Variants in TAOK3 observed in about 807,000 individuals in gnomAD.
TAOK3 encodes the protein TAO kinase 3, also known as serine/threonine-protein kinase TAO3.
TAOK3 carries 40 observed loss-of-function variants against 120.4 expected under a neutral mutation model. That is an observed-to-expected ratio of 0.33 (90% CI 0.26 to 0.43). The LOEUF is 0.43. Ranked by LOEUF, TAOK3 falls within the 20% of genes least tolerant of loss-of-function variation. The pLI, the probability that TAOK3 is intolerant of heterozygous loss-of-function variation, is 1.00. For synonymous variants in TAOK3, 355 were observed against 387.5 expected (o/e 0.92, Z 0.99); for missense variants, 821 against 1,112.1 (o/e 0.74, Z 3.72).
chr12:118,265,543 A>C (rs2041412700), intron 2 of TAOK3, among the ~76,000 whole-genome samples: 1 of 152,164 alleles, frequency 6.6e-6, no homozygotes, highest in African/African-American at 2.4e-5. Context: ...ATGTAACTTC[A>C]CTAATGATCA....
chr12:118,305,852 G>A (rs2043032365), intron 1 of TAOK3, among the ~76,000 whole-genome samples: 1 of 147,026 alleles, frequency 6.8e-6, no homozygotes, highest in African/African-American at 2.5e-5. Context: ...TGCATGAGCT[G>A]AGATCACGCC....
chr12:118,310,764 A>G (rs943807788), intron 1 of TAOK3, among the ~76,000 whole-genome samples: 3 of 152,152 alleles, frequency 2.0e-5, no homozygotes, highest in Admixed American at 2.0e-4. Context: ...CTTCTGTTAT[A>G]AGGGAGAATA....
At chr12:118,220,622 A>G (rs1409520848) in intron 9 of TAOK3, among the ~76,000 whole-genome samples, 4 of 152,062 alleles carry the variant, frequency 2.6e-5, no homozygotes, top group Non-Finnish European at 4.4e-5. Flanking sequence ...GACTGAAGCA[A>G]GAGAAAAACA....
intron 1 of TAOK3, among the ~76,000 whole-genome samples, chr12:118,321,245 CACACACACAAACAT>C (rs776036514): frequency 2.6e-5 from 4 of 152,094 alleles, no homozygotes; most frequent in Admixed American, 1.3e-4. Context: ...AATACACACA[CACACACACAAACAT>C]ACACACACAC....
chr12:118,348,003 T>G (rs563860678), intron 1 of TAOK3, among the ~76,000 whole-genome samples: 35 of 152,320 alleles, frequency 2.3e-4, no homozygotes, highest in Admixed American at 2.2e-3. Flanking sequence ...AGTTCAAACC[T>G]CCTGTTATGT....
At chr12:118,191,007 T>C (rs2037404594) in intron 13 of TAOK3, among the ~76,000 whole-genome samples, 1 of 152,228 alleles carries the variant, frequency 6.6e-6, no homozygotes, top group African/African-American at 2.4e-5. Flanking sequence ...TAATTCCTTA[T>C]TTCCCTAGGG....
rs57197721 is a variant in TAOK3 at position 118,217,816 on chromosome 12, CATATATATATATAT to C, written c.644-3720_644-3707del. The stretch of plus-strand genomic sequence containing the variant: ...GTATGTATGTGTGTGTGTGTGTATA[CATATATATATATAT>C]ATATATATATATATATATATATATA... On this transcript the variant is annotated intron_variant, in intron 9 of 20. Transcript: ENST00000392533. Among the ~76,000 whole-genome samples the C allele has an allele frequency of 8.0e-3, 370 of 45,990 alleles. 4 individuals are homozygous for C. The highest frequency in any genetic ancestry group is 0.014 in the African/African-American group (167 of 12,304). 30.2% of individuals were successfully genotyped at this position (45,990 alleles called of 152,430 possible). A position where few individuals can be genotyped will look rare whatever the true frequency, so the allele number is the denominator to read the frequency against.
At chr12:118,156,147 ACTT>A (rs978369970) in intron 19 of TAOK3, among the ~76,000 whole-genome samples, 2 of 152,094 alleles carry the variant, frequency 1.3e-5, no homozygotes, top group Admixed American at 6.5e-5. Context: ...GTGTCTATCA[ACTT>A]CTTCCTTCTC....
At chr12:118,364,762 AG>A (rs1375395101) in intron 1 of TAOK3, among the ~76,000 whole-genome samples, 2 of 152,074 alleles carry the variant, frequency 1.3e-5, no homozygotes, top group Non-Finnish European at 2.9e-5. Flanking sequence ...AAAATTAGCC[AG>A]GCATGGTGGC....
intron 2 of TAOK3, among the ~76,000 whole-genome samples, chr12:118,260,379 T>C (rs2041174935): frequency 1.3e-5 from 2 of 152,152 alleles, no homozygotes; most frequent in African/African-American, 2.4e-5. Context: ...CCAAGAATAC[T>C]TGAAGGAATA....
intron 11 of TAOK3, among the ~76,000 whole-genome samples, chr12:118,204,139 T>C (rs187659123): frequency 3.6e-4 from 55 of 151,906 alleles, no homozygotes; most frequent in African/African-American, 1.2e-3. Flanking sequence ...TTGTGATGCA[T>C]GCCTGTAATC....
rs201736642 is a variant in TAOK3, at chr12:118,356,652, C to G, written c.-194+15996G>C. Among the ~76,000 whole-genome samples the G allele has an allele frequency of 7.2e-5, 11 of 152,198 alleles. No individual in the cohort carries two copies. In the East Asian group the frequency reaches 1.7e-3, roughly 24 times the overall value. On this transcript the variant is annotated intron_variant, in intron 1 of 20. Coordinates refer to ENST00000392533, the MANE Select transcript of TAOK3 (RefSeq NM_016281.4). ...ATATGGCCACGTGCAGTGGCTCACACCTGTAATCCCAGAGTTTTGGGAGGC... is the reference window on the plus strand; with the variant it reads ...ATATGGCCACGTGCAGTGGCTCACAGCTGTAATCCCAGAGTTTTGGGAGGC...
At chr12:118,300,713 C>G (rs913386772) in intron 1 of TAOK3, among the ~76,000 whole-genome samples, 8 of 152,024 alleles carry the variant, frequency 5.3e-5, no homozygotes, top group Non-Finnish European at 1.0e-4. Context: ...TAACTATTTC[C>G]TTATTCTTTG....
At chr12:118,299,261 A>C (rs1044258286) in intron 1 of TAOK3, among the ~76,000 whole-genome samples, 3 of 152,186 alleles carry the variant, frequency 2.0e-5, no homozygotes, top group Non-Finnish European at 4.4e-5. Flanking sequence ...TTGTTTCAAC[A>C]GTTTTTTCTT....
At chr12:118,159,974 T>A (rs559028007) in intron 19 of TAOK3, 172 bp downstream of exon 19, 6 of 626,862 alleles carry the variant, frequency 9.6e-6, no homozygotes, top group Non-Finnish European at 1.7e-5. Context: ...CTCCAGCAAG[T>A]ATCCACATTG....
intron 13 of TAOK3, among the ~76,000 whole-genome samples, chr12:118,191,618 G>A (rs2037434763): frequency 6.6e-6 from 1 of 152,100 alleles, no homozygotes; most frequent in African/African-American, 2.4e-5. Context: ...TATTTGAAAG[G>A]TCAGTTAAAA....
intron 3 of TAOK3, among the ~76,000 whole-genome samples, chr12:118,248,216 A>C (rs75787455): frequency 7.3e-5 from 11 of 150,182 alleles, no homozygotes; most frequent in South Asian, 2.1e-4. Flanking sequence ...AAAAAAAAAA[A>C]CCCACAATAA....
At chr12:118,363,764 G>C (rs1268974309) in intron 1 of TAOK3, among the ~76,000 whole-genome samples, 2 of 151,460 alleles carry the variant, frequency 1.3e-5, no homozygotes, top group East Asian at 1.9e-4. Context: ...GTGAGAGAGA[G>C]AGAGAGAGAG....
intron 1 of TAOK3, among the ~76,000 whole-genome samples, chr12:118,343,143 C>T (rs778979700): frequency 2.4e-4 from 37 of 151,594 alleles, no homozygotes; most frequent in Non-Finnish European, 1.8e-4. Context: ...AATAGAAATT[C>T]GTGGCCAGGT....
Sources: gnomAD v4.1 joint callset for allele counts (sites outside exome capture counted in the v4.1 genomes callset) on GRCh38, gnomAD v4.1.1 for gene constraint, MANE v1.5 for transcripts, NCBI Gene and HGNC (gene_info 2026-07-23, HGNC 2026-07-21) for gene names.